Variants in ATAD2B observed in about 807,000 individuals in gnomAD.
ATAD2B encodes the protein ATPase family AAA domain-containing protein 2B.
ATAD2B carries 40 observed loss-of-function variants against 167.6 expected under a neutral mutation model. The ratio of observed to expected loss-of-function variants is 0.24; its 90% CI spans 0.19 to 0.31. The LOEUF is 0.31. Among genes scored for constraint, ATAD2B ranks in the 10% least tolerant of loss-of-function variants. ATAD2B has a pLI of 1.00. For missense variants in ATAD2B, 1,242 were observed against 1,757.2 expected (o/e 0.71, Z 5.24); for synonymous variants, 579 against 596.5 (o/e 0.97, Z 0.43).
chr2:23,765,988 G>A (rs150574043), intron 22 of ATAD2B, among the ~76,000 whole-genome samples: 1 of 152,246 alleles, frequency 6.6e-6, no homozygotes, highest in Non-Finnish European at 1.5e-5. Context: ...CAGCCCCAGA[G>A]TTGTCAGAGA....
chr2:23,863,582 G>A, intron 11 of ATAD2B, 27 bp from the exon 12 acceptor site: 1 of 1,526,618 alleles, frequency 6.6e-7, no homozygotes, highest in Non-Finnish European at 8.8e-7. Flanking sequence ...ATCAAGAAGT[G>A]TAAATTATAT....
chr2:23,864,390 C>CCT (rs1694857522), intron 11 of ATAD2B, among the ~76,000 whole-genome samples: 2 of 152,136 alleles, frequency 1.3e-5, no homozygotes, highest in Admixed American at 1.3e-4. Flanking sequence ...CATGATCAGG[C>CCT]ACAATCTGTT....
intron 18 of ATAD2B, among the ~76,000 whole-genome samples, chr2:23,809,503 A>G (rs570541406): frequency 2.6e-5 from 4 of 152,288 alleles, no homozygotes; most frequent in Admixed American, 2.0e-4. Context: ...GTAACTGGGA[A>G]AAAAACAACA....
intron 2 of ATAD2B, among the ~76,000 whole-genome samples, chr2:23,891,452 T>A (rs566878448): frequency 6.6e-6 from 1 of 151,996 alleles, no homozygotes; most frequent in South Asian, 2.1e-4. Context: ...GGAAGGTGGG[T>A]TGGAGATTTT....
chr2:23,780,771 G>A (rs191511480), intron 22 of ATAD2B, among the ~76,000 whole-genome samples: 249 of 152,098 alleles, frequency 1.6e-3, no homozygotes, highest in African/African-American at 5.5e-3. Flanking sequence ...GTAGTGGCAC[G>A]TGCCTGTAGT....
At chr2:23,696,114 G>A in the ATAD2B span, 16 of 1,551,674 alleles carry the variant, frequency 1.0e-5, no homozygotes, top group South Asian at 1.5e-4. This position sits in a 1 kb window ranked among gnomAD's most constrained non-coding sequence, Gnocchi z 5.5. Flanking sequence ...TGAGTGCAGG[G>A]GACAACATCT....
chr2:23,828,075 T>G (rs904103859), intron 15 of ATAD2B, among the ~76,000 whole-genome samples: 3 of 151,668 alleles, frequency 2.0e-5, no homozygotes, highest in East Asian at 1.9e-4. Context: ...AGATTGGGTT[T>G]TTTTTTTTTT....
chr2:23,712,858 G>A, the ATAD2B span, among the ~76,000 whole-genome samples: 2 of 152,164 alleles, frequency 1.3e-5, no homozygotes, highest in African/African-American at 2.4e-5. Context: ...TGGAACATAT[G>A]CAGGTCATTT....
chr2:23,730,356 C>G, the ATAD2B span, among the ~76,000 whole-genome samples: 1 of 151,948 alleles, frequency 6.6e-6, no homozygotes, highest in East Asian at 1.9e-4. Flanking sequence ...ATATTCTGAA[C>G]AGAATGAAAA....
the ATAD2B span, among the ~76,000 whole-genome samples, chr2:23,721,245 C>T: frequency 2.0e-5 from 3 of 152,216 alleles, no homozygotes; most frequent in South Asian, 4.1e-4. Context: ...GGTGCCCCAC[C>T]CCATGCAGAC....
chr2:23,920,805 AT>A (rs1703803659), intron 1 of ATAD2B, among the ~76,000 whole-genome samples: 2 of 151,926 alleles, frequency 1.3e-5, no homozygotes, highest in South Asian at 2.1e-4. Flanking sequence ...AAAATTCCCA[AT>A]TTTTTTTACT....
the ATAD2B span, chr2:23,691,164 C>A: frequency 6.3e-6 from 1 of 158,982 alleles, no homozygotes; most frequent in Non-Finnish European, 1.4e-5. Flanking sequence ...GGGGTTGGAG[C>A]GGGTTCTGGG....
chr2:23,762,612 G>C (rs1676891175), intron 23 of ATAD2B, among the ~76,000 whole-genome samples: 1 of 152,114 alleles, frequency 6.6e-6, no homozygotes. Context: ...AATTCACAAA[G>C]AGGCACATTT....
intron 2 of ATAD2B, among the ~76,000 whole-genome samples, chr2:23,889,958 T>C (rs1699240058): frequency 6.6e-6 from 1 of 150,516 alleles, no homozygotes; most frequent in Non-Finnish European, 1.5e-5. Flanking sequence ...CTCATGCCTG[T>C]AATCCCAACA....
intron 22 of ATAD2B, among the ~76,000 whole-genome samples, chr2:23,780,666 G>A (rs988657560): frequency 2.0e-5 from 3 of 152,162 alleles, no homozygotes; most frequent in East Asian, 1.9e-4. Flanking sequence ...CTGGGAGGCC[G>A]AGAGGGGCAG....
intron 1 of ATAD2B, among the ~76,000 whole-genome samples, chr2:23,911,575 A>G (rs1238795496): frequency 6.6e-6 from 1 of 150,670 alleles, no homozygotes; most frequent in Admixed American, 6.6e-5. Flanking sequence ...GAGAAGAAGA[A>G]GAGGAGAAAG....
intron 2 of ATAD2B, 90 bp from the exon 3 acceptor site, chr2:23,888,489 T>C: frequency 1.2e-6 from 1 of 837,588 alleles, no homozygotes; most frequent in Non-Finnish European, 1.8e-6. Context: ...TTTTAATCTT[T>C]AAAACTTTTT....
At chr2:23,759,508 T>C (rs2551326) in intron 24 of ATAD2B, among the ~76,000 whole-genome samples, 25,202 of 152,120 alleles carry the variant, frequency 0.17, 2,164 homozygotes, top group Middle Eastern at 0.26. Context: ...CATCTTTAAT[T>C]CCTGCTGCAT....
chr2:23,723,274 C>CA, the ATAD2B span, among the ~76,000 whole-genome samples: 1 of 147,326 alleles, frequency 6.8e-6, no homozygotes, highest in Non-Finnish European at 1.5e-5. Flanking sequence ...GCCTGGGTGA[C>CA]AGAGTGAGAT....
Sources: gnomAD v4.1 joint callset for allele counts (sites outside exome capture counted in the v4.1 genomes callset) on GRCh38, gnomAD v4.1.1 for gene constraint, Gnocchi (gnomAD v3.1) non-coding constraint, MANE v1.5 for transcripts, NCBI Gene and HGNC (gene_info 2026-07-23, HGNC 2026-07-21) for gene names.